The following PRKCE variants were observed in gnomAD, a reference collection of about 807,000 sequenced individuals.
PRKCE encodes protein kinase C epsilon.
In PRKCE, 16 loss-of-function variants were observed where a neutral mutation model predicts 85.4. The ratio of observed to expected loss-of-function variants is 0.19; its 90% CI spans 0.13 to 0.28. The LOEUF (loss-of-function observed/expected upper bound fraction) is 0.28. Among genes scored for constraint, PRKCE ranks in the 10% least tolerant of loss-of-function variants. PRKCE has a pLI of 1.00. For missense variants in PRKCE, 573 were observed against 975.2 expected, an observed-to-expected ratio of 0.59 and a Z score of 5.49; for synonymous variants, 388 against 371.5, an observed-to-expected ratio of 1.04 and a Z score of -0.51.
rs1222819729 is a variant in PRKCE at position 46,145,264 on chromosome 2, T to TGGTGCCAGGA, written c.1731+34_1731+43dup. 1 of 1,598,626 alleles carries TGGTGCCAGGA rather than the reference T, an allele frequency of 6.3e-7. No individual in the cohort carries two copies. Among genetic ancestry groups the TGGTGCCAGGA allele is most frequent in the Non-Finnish European group, 8.5e-7 (1 of 1,179,294 alleles). ...CTGTGTGCAAAGGTTCACCTCCTCC[T>TGGTGCCAGGA]GGTGCCAGGACCGAGGCAGGGGTCC... On this transcript the variant is annotated intron_variant, in intron 12 of 14. Coordinates refer to ENST00000306156, the MANE Select transcript of PRKCE (RefSeq NM_005400.3). This position sits in a 1 kb window ranked among gnomAD's most constrained non-coding sequence, Gnocchi z 4.6.
At chr2:46,171,801 G>A (rs541339832) in intron 14 of PRKCE, among the ~76,000 whole-genome samples, 2 of 152,332 alleles carry the variant, frequency 1.3e-5, no homozygotes, top group South Asian at 4.1e-4. Context: ...CCCAGGCACT[G>A]AGCTGGTGCT....
At chr2:46,166,354 G>A (rs530540738) in intron 14 of PRKCE, among the ~76,000 whole-genome samples, 1 of 152,322 alleles carries the variant, frequency 6.6e-6, no homozygotes, top group East Asian at 1.9e-4. Context: ...GCTGAGTTCT[G>A]CAGCCCCTCA....
At chr2:46,112,107 C>A (rs1171543182) in intron 11 of PRKCE, among the ~76,000 whole-genome samples, 1 of 152,156 alleles carries the variant, frequency 6.6e-6, no homozygotes, top group Non-Finnish European at 1.5e-5. Flanking sequence ...ATATTTAGAT[C>A]ATCTTGAGGA....
In PRKCE at chr2:46,139,493, A is replaced by G. The variant is rs1013271265; in HGVS notation, c.1593-5600A>G. On this transcript the variant is annotated intron_variant, in intron 11 of 14. Transcript: ENST00000306156. The surrounding 1 kb of genome is among the most constrained non-coding windows in gnomAD (Gnocchi z 5.2). The stretch of plus-strand genomic sequence containing the variant: ...GCAATTAACACATAAACCCAAAACA[A>G]CTGTGCTCTAAATAAGATACAAGTT... 2.6e-5 allele frequency among the ~76,000 whole-genome samples: 4 copies of G among 152,010 alleles called. No homozygotes were observed. Among genetic ancestry groups the G allele is most frequent in the Non-Finnish European group, 4.4e-5 (3 of 68,000 alleles).
At chr2:45,702,087 G>T (rs1469966957) in intron 1 of PRKCE, among the ~76,000 whole-genome samples, 2 of 152,164 alleles carry the variant, frequency 1.3e-5, no homozygotes, top group African/African-American at 4.8e-5. Context: ...TACTCAGGGG[G>T]CTGAGGCAGG....
intron 10 of PRKCE, among the ~76,000 whole-genome samples, chr2:46,067,322 A>G (rs945737269): frequency 6.6e-6 from 1 of 152,188 alleles, no homozygotes; most frequent in Non-Finnish European, 1.5e-5. Flanking sequence ...AACAGTTTGG[A>G]TTAATAGGAA....
Position 45,778,723 on chromosome 2 carries a change from G to GT in PRKCE, c.349-64276dup, listed in dbSNP as rs1255747866. Among the ~76,000 whole-genome samples, 3 of 152,336 alleles carry GT rather than the reference G, an allele frequency of 2.0e-5. No homozygotes were observed. The East Asian group carries it at 5.8e-4, about 29-fold the overall frequency. ...CTTTGTATCATCAATTTCAGAGGAT[G>GT]TATGTTCCCGGCTGATGGCCCTCCC... is the stretch of plus-strand genomic sequence containing the variant. On this transcript the variant is annotated intron_variant, in intron 1 of 14. Coordinates refer to ENST00000306156, the MANE Select transcript of PRKCE (RefSeq NM_005400.3).
chr2:46,053,056 G>C (rs1382807484), intron 10 of PRKCE, among the ~76,000 whole-genome samples: 1 of 152,216 alleles, frequency 6.6e-6, no homozygotes, highest in Non-Finnish European at 1.5e-5. Context: ...AAGGCCAAGG[G>C]AACCAGCAGC....
intron 11 of PRKCE, among the ~76,000 whole-genome samples, chr2:46,092,955 A>G (rs565353161): frequency 6.6e-6 from 1 of 152,288 alleles, no homozygotes; most frequent in African/African-American, 2.4e-5. Flanking sequence ...TTATCAAGTT[A>G]TTTAAAGCTC....
chr2:45,934,256 T>C (rs1699271839), intron 2 of PRKCE, among the ~76,000 whole-genome samples: 1 of 152,208 alleles, frequency 6.6e-6, no homozygotes, highest in African/African-American at 2.4e-5. Context: ...TAATAAATAA[T>C]TGTAATGAAA....
intron 14 of PRKCE, among the ~76,000 whole-genome samples, chr2:46,176,823 A>G (rs1679473987): frequency 6.6e-6 from 1 of 152,216 alleles, no homozygotes; most frequent in Non-Finnish European, 1.5e-5. Context: ...TATTTGCATG[A>G]GTGTCCCAAC....
At chr2:46,053,707 A>G (rs538819074) in intron 10 of PRKCE, among the ~76,000 whole-genome samples, 53 of 152,040 alleles carry the variant, frequency 3.5e-4, no homozygotes, top group African/African-American at 1.3e-3. Context: ...GCTGAATAAT[A>G]CTCCATTGTA....
At chr2:45,901,736 C>T (rs1696595602) in intron 2 of PRKCE, among the ~76,000 whole-genome samples, 1 of 152,156 alleles carries the variant, frequency 6.6e-6, no homozygotes, top group African/African-American at 2.4e-5. Context: ...TTCTTTTTAA[C>T]TCAGTCTTGG....
rs147975020 is a variant in PRKCE at position 45,838,652 on chromosome 2, T to C, written c.349-4348T>C. ...AAAAAAAATGTTTTCAGAGACAGGA[T>C]CTCACTTGTCACCCAGACTGCAGTG... On this transcript the variant is annotated intron_variant, in intron 1 of 14. Coordinates refer to ENST00000306156, the MANE Select transcript of PRKCE (RefSeq NM_005400.3). Among the ~76,000 whole-genome samples the C allele has an allele frequency of 3.0e-3, 462 of 152,148 alleles. 1 individual carries two copies. The highest frequency in any genetic ancestry group is 0.011 in the African/African-American group (439 of 41,524).
At chr2:45,898,418 A>G (rs1282882684) in intron 2 of PRKCE, among the ~76,000 whole-genome samples, 2 of 152,220 alleles carry the variant, frequency 1.3e-5, no homozygotes, top group Non-Finnish European at 2.9e-5. Context: ...AGCAAAGGGT[A>G]GGGCATTTGA....
At chr2:46,070,256 T>C (rs1667961479) in intron 10 of PRKCE, among the ~76,000 whole-genome samples, 1 of 152,188 alleles carries the variant, frequency 6.6e-6, no homozygotes, top group Non-Finnish European at 1.5e-5. Context: ...ACCACCTCTA[T>C]AAATATAACC....
At chr2:45,874,928 A>G (rs2105775684) in intron 2 of PRKCE, among the ~76,000 whole-genome samples, 1 of 152,290 alleles carries the variant, frequency 6.6e-6, no homozygotes, top group South Asian at 2.1e-4. Context: ...TATTTGGCCT[A>G]CATTCCAATT....
intron 1 of PRKCE, among the ~76,000 whole-genome samples, chr2:45,712,353 C>G (rs1050252608): frequency 1.3e-5 from 2 of 151,706 alleles, no homozygotes; most frequent in African/African-American, 2.4e-5. Flanking sequence ...CGAGGGTTCC[C>G]CATATTGGCC....
intron 3 of PRKCE, 70 bp from the exon 4 acceptor site, chr2:45,978,906 G>C (rs937570376): frequency 7.0e-7 from 1 of 1,435,632 alleles, no homozygotes. Context: ...CAAATTGGGT[G>C]GTTTTTCTGT....
Sources: allele counts gnomAD v4.1 joint callset (sites outside exome capture counted in the v4.1 genomes callset), GRCh38; gene constraint gnomAD v4.1.1; non-coding constraint Gnocchi (gnomAD v3.1); transcripts MANE v1.5; gene names NCBI Gene and HGNC (gene_info 2026-07-23, HGNC 2026-07-21).